Variants in MICAL2 observed in about 807,000 individuals in gnomAD.
MICAL2 encodes [F-actin]-monooxygenase MICAL2.
In MICAL2, 77 loss-of-function variants were observed where a neutral mutation model predicts 127.3. The ratio of observed to expected loss-of-function variants is 0.60; its 90% confidence interval spans 0.50 to 0.73. The LOEUF is 0.73. MICAL2 is among the 30% of genes least tolerant of loss of function. The pLI is 0.00. For synonymous variants in MICAL2, 570 were observed against 551.1 expected, an observed-to-expected ratio of 1.03 and a Z score of -0.48; for missense variants, 1,351 against 1,434.4, an observed-to-expected ratio of 0.94 and a Z score of 0.94.
intron 30 of MICAL2, among the ~76,000 whole-genome samples, chr11:12,321,770 G>A (rs1565304745): frequency 6.6e-6 from 1 of 152,146 alleles, no homozygotes; most frequent in Non-Finnish European, 1.5e-5. Flanking sequence ...AAGAGTCAGA[G>A]TTTGATAGCT....
At chr11:12,228,889 G>A (rs765169472) in intron 15 of MICAL2, among the ~76,000 whole-genome samples, 1 of 152,190 alleles carries the variant, frequency 6.6e-6, no homozygotes, top group Non-Finnish European at 1.5e-5. Context: ...GAGGAGAATA[G>A]GACCAGAGTG....
chr11:12,306,465 G>A (rs1864110959), intron 29 of MICAL2, among the ~76,000 whole-genome samples: 1 of 152,002 alleles, frequency 6.6e-6, no homozygotes, highest in African/African-American at 2.4e-5. Context: ...TTTTATTGAG[G>A]TATAATTTAC....
intron 32 of MICAL2, among the ~76,000 whole-genome samples, chr11:12,346,061 G>A (rs1000165831): frequency 2.0e-5 from 3 of 151,848 alleles, no homozygotes; most frequent in East Asian, 1.9e-4. Flanking sequence ...AGTGGTTAGC[G>A]GCCAACCCAT....
At position 12,259,736 on chromosome 11, in the gene MICAL2, T is replaced by C. The variant is rs1159879607; in HGVS notation, c.3232-59T>C. On this transcript the variant is annotated intron_variant, in intron 25 of 27. Coordinates refer to ENST00000683283, the MANE Select transcript of MICAL2 (RefSeq NM_001282663.2). ...CAGTTTGTATTGGCTGTTGGCTTTGTTGAAGTAGTCCTCTGGAAGACTTAC... is the reference window on the plus strand; with the variant it reads ...CAGTTTGTATTGGCTGTTGGCTTTGCTGAAGTAGTCCTCTGGAAGACTTAC... 4.8e-6 allele frequency: 7 copies of C among 1,445,076 alleles called. No homozygotes were observed. The East Asian group carries it at 1.2e-4, about 24-fold the overall frequency. The allele number at this position is 1,445,076 out of a possible 1,614,324, so 89.5% of individuals were successfully genotyped here. A position where few individuals can be genotyped will look rare whatever the true frequency, so the allele number is the denominator to read the frequency against.
chr11:12,208,054 G>A lies in MICAL2; in HGVS notation c.504G>A (p.Lys168=), dbSNP rs1854957789. 1.2e-6 allele frequency: 2 copies of A among 1,614,202 alleles called. No individual in the cohort carries two copies. The highest frequency in any genetic ancestry group is 1.6e-4 in the Middle Eastern group (1 of 6,062). The part of the protein sequence containing the change: ...SIRQLQLILF[K]VALMLGVEIH... Reference sequence around the variant, plus strand: ...GCCAACTACAGCTCATCCTATTCAAGGTGGCCCTGATGCTGGGAGTTGAAA... The same window carrying A: ...GCCAACTACAGCTCATCCTATTCAAAGTGGCCCTGATGCTGGGAGTTGAAA... The change falls in exon 5 of 28, where the codon AAG becomes AAA. Residue 168 remains lysine (K), a synonymous_variant. Coordinates refer to ENST00000683283, the MANE Select transcript of MICAL2 (RefSeq NM_001282663.2).
chr11:12,163,818 G>T (rs1339335747), intron 3 of MICAL2: 1 of 152,186 alleles, frequency 6.6e-6, no homozygotes, highest in African/African-American at 2.4e-5. Context: ...AGAGTTAAAG[G>T]AGGGGAAGCT....
chr11:12,214,649 T>C (rs1380803054), intron 7 of MICAL2, among the ~76,000 whole-genome samples: 1 of 152,240 alleles, frequency 6.6e-6, no homozygotes, highest in Non-Finnish European at 1.5e-5. Flanking sequence ...ATCAGAATAT[T>C]TTATGACACA....
intron 34 of MICAL2, among the ~76,000 whole-genome samples, chr11:12,355,853 C>G (rs1474493812): frequency 6.6e-6 from 1 of 152,156 alleles, no homozygotes; most frequent in Non-Finnish European, 1.5e-5. Context: ...TAACAAAATC[C>G]TTATGCAGCA....
At chr11:12,132,734 CT>C (rs1851524052) in intron 1 of MICAL2, among the ~76,000 whole-genome samples, 1 of 152,238 alleles carries the variant, frequency 6.6e-6, no homozygotes, top group African/African-American at 2.4e-5. Flanking sequence ...AAGAGCTTTT[CT>C]TCTTGACATG....
chr11:12,276,877 C>T (rs1372875655), intron 1 of MICAL2, among the ~76,000 whole-genome samples: 3 of 152,172 alleles, frequency 2.0e-5, no homozygotes, highest in South Asian at 2.1e-4. Context: ...ATCACCTATG[C>T]GCCAGGTCGA....
chr11:12,220,210 G>C lies in MICAL2; in HGVS notation c.958G>C (p.Asp320His). ...DKGVIINDYI[D>H]TEMLLCAENV... is the part of the protein sequence containing the mutation. ...TTTTCATCTTCCCCAGGACTACATC[G>C]ACACAGAGATGCTGCTGTGTGCGGA... The change falls in exon 9 of 28, where the codon GAC becomes CAC. Residue 320 changes from aspartate to histidine, a missense_variant. Physicochemically the swap from Asp to His is moderately conservative, Grantham distance 81. This residue lies in a region of MICAL2 where 599 missense variants were observed against 714.9 expected (regional missense o/e 0.84). Transcript: ENST00000683283. 2.5e-6 allele frequency: 4 copies of C among 1,614,048 alleles called. No homozygotes were observed. Among genetic ancestry groups the C allele is most frequent in the Non-Finnish European group, 3.4e-6 (4 of 1,180,020 alleles).
At chr11:12,264,821 CA>C (rs1863551898), downstream of MICAL2, among the ~76,000 whole-genome samples, 2 of 152,150 alleles carry the variant, frequency 1.3e-5, no homozygotes, top group South Asian at 4.1e-4. Flanking sequence ...TTCATTTATT[CA>C]GCAAATGTTT....
chr11:12,166,976 C>T (rs747522363), intron 3 of MICAL2, among the ~76,000 whole-genome samples: 15 of 151,848 alleles, frequency 9.9e-5, no homozygotes, highest in Admixed American at 2.0e-4. Context: ...GGGTGAAAGC[C>T]GGAGAGAACA....
downstream of MICAL2, among the ~76,000 whole-genome samples, chr11:12,265,655 T>C (rs968276818): frequency 2.0e-5 from 3 of 152,220 alleles, no homozygotes; most frequent in African/African-American, 7.2e-5. Context: ...CCTCTCATAG[T>C]GTAGATGATC....
chr11:12,333,959 T>C (rs528097404), intron 32 of MICAL2, among the ~76,000 whole-genome samples: 9 of 152,246 alleles, frequency 5.9e-5, no homozygotes, highest in South Asian at 4.2e-4. Flanking sequence ...TCTGAGACAA[T>C]TGGTTTCCAT....
chr11:12,306,329 A>G (rs1324153256), intron 29 of MICAL2, among the ~76,000 whole-genome samples: 1 of 151,876 alleles, frequency 6.6e-6, no homozygotes, highest in Non-Finnish European at 1.5e-5. Flanking sequence ...TGGTTGCATT[A>G]TTCTTCTGGT....
At chr11:12,336,531 A>C (rs1029559147) in intron 32 of MICAL2, among the ~76,000 whole-genome samples, 1 of 152,180 alleles carries the variant, frequency 6.6e-6, no homozygotes, top group Admixed American at 6.5e-5. Context: ...GTCTTGTGCC[A>C]GTTTTCAAAG....
intron 22 of MICAL2, 141 bp downstream of exon 22, chr11:12,249,387 A>G (rs1482973140): frequency 4.9e-6 from 3 of 614,488 alleles, no homozygotes; most frequent in Middle Eastern, 3.7e-4. Flanking sequence ...GTGGGCAGAC[A>G]TGTGCTTGTA....
chr11:12,173,253 A>G (rs1856481822), intron 3 of MICAL2, among the ~76,000 whole-genome samples: 1 of 152,200 alleles, frequency 6.6e-6, no homozygotes, highest in African/African-American at 2.4e-5. Flanking sequence ...GCTATACCAA[A>G]GGGTGGTCTA....
Sources: gnomAD v4.1 joint callset for allele counts (sites outside exome capture counted in the v4.1 genomes callset) on GRCh38, gnomAD v4.1.1 for gene constraint, gnomAD v4.1.1 regional missense constraint, MANE v1.5 for transcripts, NCBI Gene and HGNC (gene_info 2026-07-23, HGNC 2026-07-21) for gene names.